HEPACAM: variants seen among roughly 807,000 people sequenced by gnomAD.
HEPACAM encodes the protein hepatocyte cell adhesion molecule.
HEPACAM carries 18 observed loss-of-function variants against 38.3 expected under a neutral mutation model. The observed-to-expected ratio is 0.47, with a 90% confidence interval of 0.33 to 0.70. HEPACAM has a LOEUF of 0.70. Among genes scored for constraint, HEPACAM ranks in the 30% least tolerant of loss-of-function variants. The pLI, the probability that HEPACAM is intolerant of heterozygous loss-of-function variation, is 0.03. For missense variants in HEPACAM, 466 were observed against 563.0 expected (o/e 0.83, Z 1.74); for synonymous variants, 216 against 243.1 (o/e 0.89, Z 1.04).
Position 124,924,720 on chromosome 11 carries a change from C to A in HEPACAM, c.427+8G>T. The stretch of plus-strand genomic sequence containing the variant: ...AGTCTTGCCTCTTTCCCTGCCAGAG[C>A]GCTTTACCATCTACAGTAAGGTTGA... On this transcript the variant is annotated splice_region_variant and intron_variant, in intron 2 of 6. Coordinates refer to ENST00000298251, the MANE Select transcript of HEPACAM (RefSeq NM_152722.5). The surrounding 1 kb of genome is among the most constrained non-coding windows in gnomAD (Gnocchi z 4.4). 6.2e-7 allele frequency: 1 copy of A among 1,610,736 alleles called. No individual in the cohort carries two copies. The highest frequency in any genetic ancestry group is 8.5e-7 in the Non-Finnish European group (1 of 1,176,972).
chr11:124,922,300 G>A, intron 6 of HEPACAM, 88 bp downstream of exon 6: 3 of 1,341,300 alleles, frequency 2.2e-6, no homozygotes, highest in Non-Finnish European at 2.1e-6. Flanking sequence ...TGCTATAAAG[G>A]GATAGGAATA....
intron 1 of HEPACAM, among the ~76,000 whole-genome samples, chr11:124,928,227 A>G (rs1388859664): frequency 2.0e-5 from 3 of 152,232 alleles, no homozygotes; most frequent in African/African-American, 7.2e-5. Flanking sequence ...CCATTTGGCC[A>G]CATGATCCTT....
chr11:124,924,239 A>C lies in HEPACAM; in HGVS notation c.428-229T>G, dbSNP rs1254517339. ...GGCATGGCGGGTACAATGCTGAACA[A>C]TGCAGACATGGTGTTGCCCTCATTC... On this transcript the variant is annotated intron_variant, in intron 2 of 6. Transcript: ENST00000298251. This position sits in a 1 kb window ranked among gnomAD's most constrained non-coding sequence, Gnocchi z 4.4. Among the ~76,000 whole-genome samples, 2 of 152,208 alleles carry C rather than the reference A, an allele frequency of 1.3e-5. No homozygotes were observed. Among genetic ancestry groups the C allele is most frequent in the Admixed American group, 1.3e-4 (2 of 15,284 alleles).
rs1480588296 is a variant in HEPACAM, at chr11:124,920,067, C to G, written c.*1071G>C. 6.3e-7 allele frequency: 1 copy of G among 1,581,426 alleles called. No homozygotes were observed. Among genetic ancestry groups the G allele is most frequent in the Non-Finnish European group, 8.6e-7 (1 of 1,161,272 alleles). On this transcript the variant is annotated 3_prime_UTR_variant, in exon 7 of 7. Transcript: ENST00000298251. ...GCCCTGGGACCTGAGCATGTGGGAG[C>G]AGGGCAGATGGGTGGCAGGAGGCCA... is the stretch of plus-strand genomic sequence containing the variant.
intron 4 of HEPACAM, 108 bp from the exon 5 acceptor site, chr11:124,922,926 G>T: frequency 9.0e-7 from 1 of 1,111,596 alleles, no homozygotes. Flanking sequence ...CCTTGTGACA[G>T]GAAGATGGGC....
In HEPACAM at chr11:124,920,758, A is replaced by G. The variant is rs1010205596; in HGVS notation, c.*380T>C. ...TTCAGAGGGAAGGGTGGTGGGTGGG[A>G]AACAACACAGCTCCCTAGGAAGAGC... On this transcript the variant is annotated 3_prime_UTR_variant, in exon 7 of 7. Coordinates refer to ENST00000298251, the MANE Select transcript of HEPACAM (RefSeq NM_152722.5). 3.2e-5 allele frequency: 34 copies of G among 1,049,232 alleles called. No individual in the cohort carries two copies. Among genetic ancestry groups the G allele is most frequent in the African/African-American group, 5.3e-5 (3 of 57,076 alleles). The allele number at this position is 1,049,232 out of a possible 1,614,324, so 65.0% of individuals were successfully genotyped here.
At chr11:124,923,705 A>G (rs1427638050) in intron 3 of HEPACAM, 24 bp downstream of exon 3, 2 of 1,613,684 alleles carry the variant, frequency 1.2e-6, no homozygotes, top group African/African-American at 1.3e-5. Context: ...TGAGTACTAA[A>G]GGAAAGCCTG....
chr11:124,926,955 G>A (rs1041036816), intron 1 of HEPACAM, among the ~76,000 whole-genome samples: 7 of 152,010 alleles, frequency 4.6e-5, no homozygotes, highest in Non-Finnish European at 1.0e-4. Context: ...TGCAAGCTCC[G>A]CCTCCCAGGT....
intron 1 of HEPACAM, among the ~76,000 whole-genome samples, chr11:124,932,753 C>T (rs568077755): frequency 2.0e-4 from 31 of 152,304 alleles, no homozygotes; most frequent in African/African-American, 5.8e-4. Flanking sequence ...GTATCACTTA[C>T]AGACCTTGTT....
chr11:124,921,150 C>T lies in HEPACAM; in HGVS notation c.1239G>A (p.Glu413=), dbSNP rs1289915509. ...IREQDEAGPV[E]ISA is the part of the protein sequence containing the mutation. ...ATCCCGAGGCGGCTCAGGCGCTGAT[C>T]TCCACCGGGCCGGCCTCGTCTTGCT... Residue 413 remains glutamate (E), a synonymous_variant, in exon 7 of 7, where the codon GAG becomes GAA. Transcript: ENST00000298251. The surrounding 1 kb of genome is among the most constrained non-coding windows in gnomAD (Gnocchi z 4.6). 2.6e-6 allele frequency: 4 copies of T among 1,527,234 alleles called. No individual in the cohort carries two copies. The highest frequency in any genetic ancestry group is 2.8e-5 in the African/African-American group (2 of 71,392). The allele number at this position is 1,527,234 out of a possible 1,614,324, so 94.6% of individuals were successfully genotyped here.
rs373102814 is a variant in HEPACAM at position 124,920,448 on chromosome 11, C to T, written c.*690G>A. On this transcript the variant is annotated 3_prime_UTR_variant, in exon 7 of 7. Transcript: ENST00000298251. ...TGGGAGGAGGCCAAGCTGGCAGGCTCGGGTTCTTTGCCCTTGCTAGCGCCC... is the reference window on the plus strand; with the variant it reads ...TGGGAGGAGGCCAAGCTGGCAGGCTTGGGTTCTTTGCCCTTGCTAGCGCCC... The T allele has an allele frequency of 7.1e-6, 11 of 1,545,890 alleles. No homozygotes were observed. Among genetic ancestry groups the T allele is most frequent in the East Asian group, 4.9e-5 (2 of 40,736 alleles).
Position 124,921,082 on chromosome 11 carries a change from T to C in HEPACAM, c.*56A>G. The C allele has an allele frequency of 2.7e-6, 4 of 1,505,304 alleles. No homozygotes were observed. The highest frequency in any genetic ancestry group is 2.6e-6 in the Non-Finnish European group (3 of 1,132,250). The allele number at this position is 1,505,304 out of a possible 1,614,324, so 93.2% of individuals were successfully genotyped here. A position where few individuals can be genotyped will look rare whatever the true frequency, so the allele number is the denominator to read the frequency against. On this transcript the variant is annotated 3_prime_UTR_variant, in exon 7 of 7. Coordinates refer to ENST00000298251, the MANE Select transcript of HEPACAM (RefSeq NM_152722.5). The surrounding 1 kb of genome is among the most constrained non-coding windows in gnomAD (Gnocchi z 4.6). ...CGCCCGGGCTTCCCAGCCCCAGCTT[T>C]CCCCCGGGCCACTGGCCGCAGACCG...
At chr11:124,929,159 C>G (rs184949587) in intron 1 of HEPACAM, among the ~76,000 whole-genome samples, 147 of 152,276 alleles carry the variant, frequency 9.7e-4, no homozygotes, top group African/African-American at 3.5e-3. Flanking sequence ...GTCCTAGTAG[C>G]CTTTTTGCTA....
At chr11:124,930,846 T>G (rs1332271898) in intron 1 of HEPACAM, among the ~76,000 whole-genome samples, 1 of 152,202 alleles carries the variant, frequency 6.6e-6, no homozygotes, top group Non-Finnish European at 1.5e-5. Context: ...AATATTAATT[T>G]TGGATGGATT....
chr11:124,919,956 G>A lies in HEPACAM; in HGVS notation c.*1182C>T, dbSNP rs773009250. The A allele has an allele frequency of 1.4e-5, 23 of 1,613,680 alleles. No homozygotes were observed. In the Admixed American group the frequency reaches 1.7e-4, roughly 12 times the overall value. On this transcript the variant is annotated 3_prime_UTR_variant, in exon 7 of 7. Transcript: ENST00000298251. ...CACTCCTATGAACTGTTCAATAGGC[G>A]GTGGCATGGGCATGTCCTGGCTACA...
intron 1 of HEPACAM, among the ~76,000 whole-genome samples, chr11:124,930,509 G>T (rs1947269239): frequency 6.6e-6 from 1 of 152,144 alleles, no homozygotes. Flanking sequence ...GTTCAGGAAT[G>T]CGTACCTAGT....
chr11:124,923,534 G>T, intron 3 of HEPACAM, 101 bp from the exon 4 acceptor site: 1 of 1,127,600 alleles, frequency 8.9e-7, no homozygotes, highest in Non-Finnish European at 1.3e-6. Context: ...GGAGCCCCAG[G>T]CTGCATGCCT....
chr11:124,920,448 C>G lies in HEPACAM; in HGVS notation c.*690G>C, dbSNP rs373102814. 5 of 1,545,890 alleles carry G rather than the reference C, an allele frequency of 3.2e-6. No homozygotes were observed. Among genetic ancestry groups the G allele is most frequent in the Non-Finnish European group, 4.4e-6 (5 of 1,144,744 alleles). On this transcript the variant is annotated 3_prime_UTR_variant, in exon 7 of 7. Coordinates refer to ENST00000298251, the MANE Select transcript of HEPACAM (RefSeq NM_152722.5). ...TGGGAGGAGGCCAAGCTGGCAGGCTCGGGTTCTTTGCCCTTGCTAGCGCCC... is the reference window on the plus strand; with the variant it reads ...TGGGAGGAGGCCAAGCTGGCAGGCTGGGGTTCTTTGCCCTTGCTAGCGCCC...
intron 1 of HEPACAM, among the ~76,000 whole-genome samples, 153 bp from the exon 2 acceptor site, chr11:124,925,222 C>T (rs1947192944): frequency 2.6e-5 from 4 of 152,226 alleles, no homozygotes; most frequent in Admixed American, 1.3e-4. Context: ...GTGCTATCTC[C>T]TCCCCCACAG....
Sources: gnomAD v4.1 joint callset for allele counts (sites outside exome capture counted in the v4.1 genomes callset) on GRCh38, gnomAD v4.1.1 for gene constraint, Gnocchi (gnomAD v3.1) non-coding constraint, MANE v1.5 for transcripts, NCBI Gene and HGNC (gene_info 2026-07-23, HGNC 2026-07-21) for gene names.